Variants in YPEL1 observed in about 807,000 individuals in gnomAD.
YPEL1 encodes the protein protein yippee-like 1.
In YPEL1, 7 loss-of-function variants were observed where a neutral mutation model predicts 17.3. The observed-to-expected ratio is 0.40, with a 90% confidence interval of 0.23 to 0.76. The LOEUF (loss-of-function observed/expected upper bound fraction) is 0.76. YPEL1 is among the 30% of genes least tolerant of loss of function. The pLI is 0.35. For missense variants in YPEL1, 91 were observed against 155.5 expected (o/e 0.59, Z 2.21); for synonymous variants, 59 against 59.6 (o/e 0.99, Z 0.05).
rs1407147074 is a variant in YPEL1, at chr22:21,697,699, C to G, written c.*3430G>C. ...ACCATGGGTGACCGTCCAGCCTCACCCGGTGGCCTGCACAGTGAGGGAAGG... is the reference window on the plus strand; with the variant it reads ...ACCATGGGTGACCGTCCAGCCTCACGCGGTGGCCTGCACAGTGAGGGAAGG... On this transcript the variant is annotated 3_prime_UTR_variant, in exon 5 of 5. Coordinates refer to ENST00000339468, the MANE Select transcript of YPEL1 (RefSeq NM_013313.5). 1.3e-5 allele frequency: 2 copies of G among 152,470 alleles called. No individual in the cohort carries two copies. The highest frequency in any genetic ancestry group is 3.8e-4 in the East Asian group (2 of 5,332). The allele number at this position is 152,470 out of a possible 1,614,324, so 9.4% of individuals were successfully genotyped here. A position where few individuals can be genotyped will look rare whatever the true frequency, so the allele number is the denominator to read the frequency against.
At chr22:21,716,377 A>G (rs2068223809) in intron 1 of YPEL1, among the ~76,000 whole-genome samples, 1 of 152,264 alleles carries the variant, frequency 6.6e-6, no homozygotes, top group Admixed American at 6.5e-5. Flanking sequence ...CTGACAAGAC[A>G]GTGAGGAGCC....
chr22:21,717,420 A>G lies in YPEL1; in HGVS notation c.-164-6512T>C, dbSNP rs187711027. Among the ~76,000 whole-genome samples the G allele has an allele frequency of 9.5e-4, 145 of 151,944 alleles. 1 individual carries two copies. Among genetic ancestry groups the G allele is most frequent in the African/African-American group, 3.4e-3 (140 of 41,462 alleles). On this transcript the variant is annotated intron_variant, in intron 1 of 4. Coordinates refer to ENST00000339468, the MANE Select transcript of YPEL1 (RefSeq NM_013313.5). ...AAAAAACAGTGAGGAAGGTGGAAAT[A>G]TGAGTCTTAAACTAAGAGATGTGAA...
intron 1 of YPEL1, among the ~76,000 whole-genome samples, chr22:21,728,257 T>C (rs1305752450): frequency 1.3e-5 from 2 of 152,064 alleles, no homozygotes; most frequent in South Asian, 4.1e-4. Context: ...CTCCTCTCCA[T>C]GGAGGAGGCC....
intron 2 of YPEL1, 131 bp from the exon 3 acceptor site, chr22:21,704,013 G>T: frequency 1.0e-6 from 1 of 985,046 alleles, no homozygotes; most frequent in Non-Finnish European, 1.6e-6. Context: ...GCAGACACCG[G>T]CGTCCCCCCT....
chr22:21,729,509 G>A (rs905708348), intron 1 of YPEL1, among the ~76,000 whole-genome samples: 2 of 152,006 alleles, frequency 1.3e-5, no homozygotes, highest in Non-Finnish European at 2.9e-5. Context: ...GCTGAGATGG[G>A]AGGATCACTT....
chr22:21,703,576 C>T lies in YPEL1; in HGVS notation c.162-98G>A. 8.6e-7 allele frequency: 1 copy of T among 1,162,894 alleles called. No individual in the cohort carries two copies. The highest frequency in any genetic ancestry group is 1.5e-5 in the African/African-American group (1 of 66,134). The allele number at this position is 1,162,894 out of a possible 1,614,324, so 72.0% of individuals were successfully genotyped here. The stretch of plus-strand genomic sequence containing the variant: ...CCCACCCCATCCTCCTAAGAGTTCC[C>T]CCAAAACAGGGAAACTCCCAGAGAG... On this transcript the variant is annotated intron_variant, in intron 3 of 4. Transcript: ENST00000339468. This position sits in a 1 kb window ranked among gnomAD's most constrained non-coding sequence, Gnocchi z 6.1.
chr22:21,712,381 A>AC (rs1022791372), intron 1 of YPEL1, among the ~76,000 whole-genome samples: 34 of 150,880 alleles, frequency 2.3e-4, no homozygotes, highest in Middle Eastern at 6.8e-3. Context: ...AAAAAAAAAA[A>AC]AAAACAACTA....
At chr22:21,722,688 T>C (rs2068295464) in intron 1 of YPEL1, among the ~76,000 whole-genome samples, 1 of 151,774 alleles carries the variant, frequency 6.6e-6, no homozygotes, top group Non-Finnish European at 1.5e-5. Flanking sequence ...CTAAATGCCA[T>C]GAATGCCTAA....
intron 1 of YPEL1, among the ~76,000 whole-genome samples, chr22:21,717,151 G>A (rs1228367286): frequency 6.6e-6 from 1 of 151,760 alleles, no homozygotes; most frequent in Non-Finnish European, 1.5e-5. Context: ...GGGGCGGGGG[G>A]CGGATCACAA....
intron 1 of YPEL1, among the ~76,000 whole-genome samples, chr22:21,716,864 C>T (rs905241177): frequency 6.6e-6 from 1 of 152,204 alleles, no homozygotes; most frequent in Admixed American, 6.5e-5. Context: ...CATGAGGCTC[C>T]TCCACTTACC....
intron 1 of YPEL1, among the ~76,000 whole-genome samples, chr22:21,731,822 G>A (rs780879217): frequency 3.3e-5 from 5 of 152,156 alleles, no homozygotes; most frequent in Non-Finnish European, 7.3e-5. Context: ...TGTAAAGTGG[G>A]GTAACGTGCA....
intron 2 of YPEL1, among the ~76,000 whole-genome samples, chr22:21,708,504 T>A (rs185133494): frequency 2.0e-5 from 3 of 148,922 alleles, no homozygotes; most frequent in South Asian, 2.1e-4. Context: ...CCCAGCTAAT[T>A]TTTTTGTACT....
At chr22:21,706,436 CAA>C (rs111878891) in intron 2 of YPEL1, among the ~76,000 whole-genome samples, 45 of 86,692 alleles carry the variant, frequency 5.2e-4, no homozygotes, top group Non-Finnish European at 5.4e-4. Context: ...CTCCGTCTCA[CAA>C]AAAAAAAAAA....
chr22:21,730,838 C>A (rs1391803457), intron 1 of YPEL1, among the ~76,000 whole-genome samples: 1 of 152,224 alleles, frequency 6.6e-6, no homozygotes, highest in Non-Finnish European at 1.5e-5. Flanking sequence ...ACCCAAGGGG[C>A]CTGGCTCCTC....
intron 4 of YPEL1, among the ~76,000 whole-genome samples, chr22:21,702,518 C>G (rs568582473): frequency 1.3e-5 from 2 of 152,168 alleles, no homozygotes; most frequent in Non-Finnish European, 2.9e-5. Context: ...CAAAGGCAGG[C>G]AGGCCGGGCG....
At chr22:21,724,183 G>A (rs575306133) in intron 1 of YPEL1, among the ~76,000 whole-genome samples, 26 of 152,092 alleles carry the variant, frequency 1.7e-4, no homozygotes, top group African/African-American at 5.8e-4. Context: ...CACAGGCTCC[G>A]TGTACCTCCT....
rs2068006166 is a variant in YPEL1 at position 21,698,043 on chromosome 22, C to T, written c.*3086G>A. ...ACTGTGCCATTTATAACCCTGACAT[C>T]ACCTCCCAAGGCTCTCAAGGAAGAT... On this transcript the variant is annotated 3_prime_UTR_variant, in exon 5 of 5. Coordinates refer to ENST00000339468, the MANE Select transcript of YPEL1 (RefSeq NM_013313.5). 6.6e-6 allele frequency: 1 copy of T among 152,236 alleles called. No individual in the cohort carries two copies. The allele number at this position is 152,236 out of a possible 1,614,324, so 9.4% of individuals were successfully genotyped here.
At chr22:21,713,073 C>G (rs1050169215) in intron 1 of YPEL1, among the ~76,000 whole-genome samples, 1 of 152,182 alleles carries the variant, frequency 6.6e-6, no homozygotes, top group Non-Finnish European at 1.5e-5. Flanking sequence ...CCACCACACA[C>G]CCTCTAGGAC....
chr22:21,701,291 A>ACC, intron 4 of YPEL1, 73 bp from the exon 5 acceptor site: 1 of 1,190,524 alleles, frequency 8.4e-7, no homozygotes. Context: ...TTTGGCAAAA[A>ACC]CCCCCCCCAA....
Sources: allele counts gnomAD v4.1 joint callset (sites outside exome capture counted in the v4.1 genomes callset), GRCh38; gene constraint gnomAD v4.1.1; non-coding constraint Gnocchi (gnomAD v3.1); transcripts MANE v1.5; gene names NCBI Gene and HGNC (gene_info 2026-07-23, HGNC 2026-07-21).